GRM1: variants seen among roughly 807,000 people sequenced by gnomAD.
GRM1 encodes the protein glutamate metabotropic receptor 1.
GRM1 carries 33 observed loss-of-function variants against 90.9 expected under a neutral mutation model. That is an observed-to-expected ratio of 0.36 (90% CI 0.28 to 0.49). The LOEUF (loss-of-function observed/expected upper bound fraction) is 0.49. Ranked by LOEUF, GRM1 falls within the 20% of genes least tolerant of loss-of-function variation. GRM1 has a pLI of 0.99. For missense variants in GRM1, 1,190 were observed against 1,534.3 expected (o/e 0.78, Z 3.75); for synonymous variants, 700 against 613.2 (o/e 1.14, Z -2.09).
intron 2 of GRM1, among the ~76,000 whole-genome samples, chr6:146,170,270 G>A (rs1778063439): frequency 6.6e-6 from 1 of 152,004 alleles, no homozygotes; most frequent in Non-Finnish European, 1.5e-5. Flanking sequence ...ATCTTACTTA[G>A]AGTTCATTCT....
intron 2 of GRM1, among the ~76,000 whole-genome samples, chr6:146,267,651 G>C (rs897745023): frequency 1.0e-5 from 1 of 97,704 alleles, no homozygotes; most frequent in African/African-American, 8.8e-5. Flanking sequence ...CGCTGGGCTG[G>C]GCTGGGCTGG....
intron 2 of GRM1, among the ~76,000 whole-genome samples, chr6:146,260,682 G>T (rs368749915): frequency 1.3e-5 from 2 of 151,498 alleles, no homozygotes; most frequent in Admixed American, 1.3e-4. Flanking sequence ...TCTCATCTCC[G>T]TTTTGATTTG....
At chr6:146,179,810 C>T (rs1263901833) in intron 2 of GRM1, among the ~76,000 whole-genome samples, 1 of 152,078 alleles carries the variant, frequency 6.6e-6, no homozygotes, top group Admixed American at 6.6e-5. Context: ...CCACCCTGCC[C>T]AGCCCAGAAC....
At chr6:146,343,384 G>A (rs1178448465) in intron 3 of GRM1, among the ~76,000 whole-genome samples, 2 of 152,070 alleles carry the variant, frequency 1.3e-5, no homozygotes, top group Non-Finnish European at 2.9e-5. Context: ...AAAGAATGGG[G>A]AATTATGTTT....
At chr6:146,173,062 G>A (rs1002092648) in intron 2 of GRM1, among the ~76,000 whole-genome samples, 60 of 152,062 alleles carry the variant, frequency 3.9e-4, no homozygotes, top group Admixed American at 3.5e-3. Flanking sequence ...TCAGAAGCAG[G>A]TGTGCTGCAG....
At chr6:146,349,842 A>G (rs1785331759) in intron 3 of GRM1, among the ~76,000 whole-genome samples, 1 of 152,224 alleles carries the variant, frequency 6.6e-6, no homozygotes, top group African/African-American at 2.4e-5. Flanking sequence ...TTGTATATAC[A>G]TATGTATACA....
chr6:146,055,209 A>T (rs1775442545), intron 1 of GRM1, among the ~76,000 whole-genome samples: 1 of 152,108 alleles, frequency 6.6e-6, no homozygotes, highest in South Asian at 2.1e-4. Context: ...GGGAAAAATT[A>T]AGGTTAATAA....
chr6:146,343,558 T>C (rs1785056700), intron 3 of GRM1, among the ~76,000 whole-genome samples: 1 of 152,140 alleles, frequency 6.6e-6, no homozygotes, highest in South Asian at 2.1e-4. Context: ...TTTATTTTGT[T>C]ACTCAATTTT....
chr6:146,265,470 T>C (rs983769498), intron 2 of GRM1, among the ~76,000 whole-genome samples: 3 of 152,222 alleles, frequency 2.0e-5, no homozygotes. Context: ...TTTCTCCCAT[T>C]CTGTAGGTTG....
chr6:146,180,442 T>G (rs1166227204), intron 2 of GRM1, among the ~76,000 whole-genome samples: 1 of 152,206 alleles, frequency 6.6e-6, no homozygotes, highest in Non-Finnish European at 1.5e-5. Flanking sequence ...GAGGTTATAC[T>G]TAGATGATTA....
intron 7 of GRM1, among the ~76,000 whole-genome samples, chr6:146,423,759 G>C (rs1282918110): frequency 2.6e-5 from 4 of 152,072 alleles, no homozygotes; most frequent in Admixed American, 2.6e-4. Flanking sequence ...GCATCCCCCC[G>C]CCCCTTGTTT....
At chr6:146,270,900 TCTTTCTTTCTTTCTTC>T (rs1346721094) in intron 2 of GRM1, among the ~76,000 whole-genome samples, 439 of 115,126 alleles carry the variant, frequency 3.8e-3, no homozygotes, top group Non-Finnish European at 5.2e-3. Context: ...TTTCTTTCTT[TCTTTCTTTCTTTCTTC>T]CTTCCTTCCT....
At chr6:146,355,481 T>C (rs1246474985) in intron 4 of GRM1, among the ~76,000 whole-genome samples, 5 of 152,226 alleles carry the variant, frequency 3.3e-5, no homozygotes, top group African/African-American at 1.2e-4. Flanking sequence ...TTTGTTTACC[T>C]GGCAAAGGAG....
intron 7 of GRM1, among the ~76,000 whole-genome samples, chr6:146,406,829 C>T (rs1777364460): frequency 1.3e-5 from 2 of 151,988 alleles, no homozygotes; most frequent in Non-Finnish European, 2.9e-5. Flanking sequence ...AGCAAAACTC[C>T]ATCTCCAAAA....
rs145860534 is a variant in GRM1, at chr6:146,356,729, A to T, written c.1434-797A>T. On this transcript the variant is annotated intron_variant, in intron 4 of 7. Transcript: ENST00000282753. ...CTACTGTTAAAATGTTAGAAAAGAGACCAGCTTGTACATTCTGATGTTAGA... is the reference window on the plus strand; with the variant it reads ...CTACTGTTAAAATGTTAGAAAAGAGTCCAGCTTGTACATTCTGATGTTAGA... Among the ~76,000 whole-genome samples, 44 of 152,300 alleles carry T rather than the reference A, an allele frequency of 2.9e-4. 1 individual carries two copies. The East Asian group carries it at 6.8e-3, about 23-fold the overall frequency.
intron 2 of GRM1, among the ~76,000 whole-genome samples, chr6:146,255,766 A>G (rs1781455589): frequency 6.6e-6 from 1 of 152,102 alleles, no homozygotes; most frequent in Non-Finnish European, 1.5e-5. Context: ...CCCACAAGCT[A>G]CCATTCCATA....
At chr6:146,359,968 T>A (rs1265454147) in intron 5 of GRM1, among the ~76,000 whole-genome samples, 85 of 144,690 alleles carry the variant, frequency 5.9e-4, no homozygotes, top group Admixed American at 5.7e-3. Flanking sequence ...CATAAGCACC[T>A]TGGGAGGTAT....
Position 146,030,074 on chromosome 6 carries a change from C to G in GRM1, c.557C>G (p.Ser186Ter). Residue 186 changes from serine to a stop codon, truncating the protein, a stop_gained, in exon 1 of 8, where the codon TCA becomes TGA. Coordinates refer to ENST00000282753, the MANE Select transcript of GRM1 (RefSeq NM_001278064.2). LOFTEE classifies it high-confidence loss of function. ...TTCGACATCCCCCAGATCGCTTATT[C>G]AGCCACAAGCATCGACCTGAGTGAC... ...QLFDIPQIAY[S>*]ATSIDLSDKT... The G allele has an allele frequency of 6.2e-7, 1 of 1,614,180 alleles. No individual in the cohort carries two copies. The highest frequency in any genetic ancestry group is 2.2e-5 in the East Asian group (1 of 44,878).
chr6:146,244,848 T>C (rs1780999856), intron 2 of GRM1, among the ~76,000 whole-genome samples: 1 of 152,190 alleles, frequency 6.6e-6, no homozygotes, highest in African/African-American at 2.4e-5. Flanking sequence ...CATGCAGCCG[T>C]GAATTCACTA....
Sources: gnomAD v4.1 joint callset for allele counts (sites outside exome capture counted in the v4.1 genomes callset) on GRCh38, gnomAD v4.1.1 for gene constraint, MANE v1.5 for transcripts, NCBI Gene and HGNC (gene_info 2026-07-23, HGNC 2026-07-21) for gene names.